VSIG10L2: variants seen among roughly 807,000 people sequenced by gnomAD.
VSIG10L2 encodes the protein V-set and immunoglobulin domain containing 10 like 2.
A neutral mutation model predicts 67.1 loss-of-function variants in VSIG10L2; 56 were observed. The observed-to-expected ratio is 0.83, with a 90% confidence interval of 0.67 to 1.04. The LOEUF (loss-of-function observed/expected upper bound fraction) is 1.04, where lower values mean the gene tolerates loss of function less well. Ranked by LOEUF, VSIG10L2 falls within the 50% of genes least tolerant of loss-of-function variation. The pLI is 0.00. For synonymous variants in VSIG10L2, 360 were observed against 396.6 expected, an observed-to-expected ratio of 0.91 and a Z score of 1.10; for missense variants, 843 against 932.8, an observed-to-expected ratio of 0.90 and a Z score of 1.25.
At position 125,953,465 on chromosome 11, in the gene VSIG10L2, G is replaced by A. The variant is rs942235046; in HGVS notation, c.1561G>A (p.Glu521Lys). Residue 521 changes from glutamate (E) to lysine (K), a missense_variant, in exon 7 of 12, where the codon GAG becomes AAG. Transcript: ENST00000686984. ...SVLEGGEAWL[E>K]CSLRGGTPPA... ...GTTGGAGGGGGGAGAGGCCTGGCTG[G>A]AGTGCTCTCTCCGCGGGGGCACACC... 2 of 1,232,374 alleles carry A rather than the reference G, an allele frequency of 1.6e-6. No individual in the cohort carries two copies. Among genetic ancestry groups the A allele is most frequent in the African/African-American group, 1.5e-5 (1 of 64,554 alleles). 76.3% of individuals were successfully genotyped at this position (1,232,374 alleles called of 1,614,324 possible).
In VSIG10L2 at chr11:125,953,614, C is replaced by A; in HGVS notation, c.1710C>A (p.His570Gln). 1 of 1,232,244 alleles carries A rather than the reference C, an allele frequency of 8.1e-7. No individual in the cohort carries two copies. Among genetic ancestry groups the A allele is most frequent in the East Asian group, 3.2e-5 (1 of 31,692 alleles). The allele number at this position is 1,232,244 out of a possible 1,614,324, so 76.3% of individuals were successfully genotyped here. ...RLGIYDADPAHHRGTYQCVAR... is the reference protein window; with the variant it reads ...RLGIYDADPAQHRGTYQCVAR... Reference sequence around the variant, plus strand: ...GCATCTACGATGCTGACCCGGCACACCACAGGGGCACCTACCAATGCGTGG... The same window carrying A: ...GCATCTACGATGCTGACCCGGCACAACACAGGGGCACCTACCAATGCGTGG... Residue 570 changes from histidine (H) to glutamine (Q), a missense_variant, in exon 7 of 12, where the codon CAC (histidine) becomes CAA (glutamine). His to Gln is a conservative substitution (Grantham distance 24). This residue lies in a region of VSIG10L2 where 397 missense variants were observed against 384.4 expected (regional missense o/e 1.03). Coordinates refer to ENST00000686984, the MANE Select transcript of VSIG10L2 (RefSeq NM_001365077.2).
rs1945363391 is a variant in VSIG10L2 at position 125,951,149 on chromosome 11, G to C, written c.1225G>C (p.Val409Leu). 3 of 1,232,874 alleles carry C rather than the reference G, an allele frequency of 2.4e-6. No individual in the cohort carries two copies. The East Asian group carries it at 9.5e-5, about 39-fold the overall frequency. The allele number at this position is 1,232,874 out of a possible 1,614,324, so 76.4% of individuals were successfully genotyped here. ...PALAPPALCTVMLWEPLGRPT... is the reference protein window; with the variant it reads ...PALAPPALCTLMLWEPLGRPT... ...CCTGGCACCGCCTGCCCTCTGCACA[G>C]TCATGCTCTGTGAGTGGACACAGGA... Residue 409 changes from valine (V) to leucine (L), a missense_variant, in exon 5 of 12, where the codon GTC becomes CTC. Val to Leu is a conservative substitution (Grantham distance 32). This residue lies in a region of VSIG10L2 where 446 missense variants were observed against 548.4 expected (regional missense o/e 0.81). Transcript: ENST00000686984.
chr11:125,949,951 G>T, intron 3 of VSIG10L2, 63 bp from the exon 4 acceptor site: 1 of 1,224,934 alleles, frequency 8.2e-7, no homozygotes, highest in South Asian at 4.2e-5. Flanking sequence ...ATTCAGAGAT[G>T]AGCATGTGCG....
Position 125,951,080 on chromosome 11 carries a change from C to T in VSIG10L2, c.1156C>T (p.Leu386Phe). ...CACCTGGAGTCACGCAGCCGCCCAG[C>T]TCCCCAGTGGCAGCGTCTTCACCTG... ...NVTWSHAAAQ[L>F]PSGSVFTCTG... Residue 386 changes from leucine (L) to phenylalanine (F), a missense_variant, in exon 5 of 12, where the codon CTC becomes TTC. Physicochemically the swap from Leu to Phe is conservative, Grantham distance 22 (BLOSUM62 0). Around this residue, in one of 2 missense-constraint regions of VSIG10L2, gnomAD observed 446 missense variants for 548.4 expected, o/e 0.81. Transcript: ENST00000686984. 3 of 1,232,694 alleles carry T rather than the reference C, an allele frequency of 2.4e-6. No individual in the cohort carries two copies. The highest frequency in any genetic ancestry group is 4.2e-5 in the Admixed American group (1 of 23,736). The allele number at this position is 1,232,694 out of a possible 1,614,324, so 76.4% of individuals were successfully genotyped here.
Position 125,954,231 on chromosome 11 carries a change from G to C in VSIG10L2, c.1931G>C (p.Gly644Ala), listed in dbSNP as rs1945419391. 8.1e-7 allele frequency: 1 copy of C among 1,232,254 alleles called. No individual in the cohort carries two copies. The highest frequency in any genetic ancestry group is 1.5e-5 in the African/African-American group (1 of 64,546). The allele number at this position is 1,232,254 out of a possible 1,614,324, so 76.3% of individuals were successfully genotyped here. A position where few individuals can be genotyped will look rare whatever the true frequency, so the allele number is the denominator to read the frequency against. ...CGGAAGGCCAGTGCCCTGGGCCCAG[G>C]AGCTGGGGCGTGGGAGACAGCAGCT... ...VQRKASALGP[G>A]AGAWETAASD... Residue 644 changes from glycine to alanine, a missense_variant, in exon 8 of 12, where the codon GGA becomes GCA. Physicochemically the swap from Gly to Ala is moderately conservative, Grantham distance 60. Transcript: ENST00000686984.
chr11:125,951,232 G>A (rs931740642), intron 5 of VSIG10L2, 74 bp downstream of exon 5: 230 of 1,228,536 alleles, frequency 1.9e-4, no homozygotes, highest in Non-Finnish European at 2.3e-4. Flanking sequence ...GTAGAGGCGG[G>A]GGGCCTGGGA....
At chr11:125,953,839 T>C in intron 7 of VSIG10L2, 149 bp downstream of exon 7, 1 of 774,444 alleles carries the variant, frequency 1.3e-6, no homozygotes, top group Non-Finnish European at 1.8e-6. Context: ...ACTCAAGAGA[T>C]AGATGGGCAA....
At chr11:125,947,508 G>T (rs755620582) in intron 1 of VSIG10L2, 178 bp from the exon 2 acceptor site, 136 of 985,274 alleles carry the variant, frequency 1.4e-4, no homozygotes, top group Non-Finnish European at 1.6e-4. Context: ...AAACCCAGAG[G>T]CTCCCACACA....
At chr11:125,948,879 T>C (rs1238795196) in intron 3 of VSIG10L2, among the ~76,000 whole-genome samples, 1 of 152,248 alleles carries the variant, frequency 6.6e-6, no homozygotes. Context: ...TGCCTTTAGG[T>C]TGAGCCTGGA....
intron 5 of VSIG10L2, 59 bp from the exon 6 acceptor site, chr11:125,951,754 T>C: frequency 7.0e-7 from 1 of 1,424,394 alleles, no homozygotes; most frequent in African/African-American, 1.4e-5. Context: ...GGGGATAGGG[T>C]GGAACTGCCA....
In VSIG10L2 at chr11:125,954,143, A is replaced by C. The variant is rs1246065651; in HGVS notation, c.1843A>C (p.Arg615=). The change falls in exon 8 of 12, where the codon AGA becomes CGA. Residue 615 remains arginine, a synonymous_variant. Coordinates refer to ENST00000686984, the MANE Select transcript of VSIG10L2 (RefSeq NM_001365077.2). ...CCGCCTGACCTACGGGAGGCACCGG[A>C]GAGAGGTGCAGCTTCAATGGGCCAT... is the stretch of plus-strand genomic sequence containing the variant. ...ISRLTYGRHR[R]EVQLQWAILG... 8.1e-7 allele frequency: 1 copy of C among 1,232,190 alleles called. No individual in the cohort carries two copies. Among genetic ancestry groups the C allele is most frequent in the South Asian group, 4.1e-5 (1 of 24,312 alleles). The allele number at this position is 1,232,190 out of a possible 1,614,324, so 76.3% of individuals were successfully genotyped here.
Position 125,951,019 on chromosome 11 carries a change from G to T in VSIG10L2, c.1095G>T (p.Gly365=). 5.7e-6 allele frequency: 7 copies of T among 1,232,494 alleles called. No homozygotes were observed. The highest frequency in any genetic ancestry group is 7.1e-6 in the Non-Finnish European group (7 of 988,252). The allele number at this position is 1,232,494 out of a possible 1,614,324, so 76.3% of individuals were successfully genotyped here. Residue 365 remains glycine (G), a synonymous_variant, in exon 5 of 12, where the codon GGG becomes GGT. Transcript: ENST00000686984. ...CGCCTGCCCAACTGCAGTGGGAAGG[G>T]CCTCAGGGACCTGGCCCTACTGCCC... ...GLPPAQLQWE[G]PQGPGPTAPS...
At chr11:125,955,287 T>C (rs995975219) in intron 9 of VSIG10L2, 108 bp downstream of exon 9, 18 of 1,291,460 alleles carry the variant, frequency 1.4e-5, no homozygotes, top group Non-Finnish European at 1.8e-5. Context: ...ATCTAGGCTC[T>C]TCCTTAATTC....
In VSIG10L2 at chr11:125,953,417, G is replaced by A. The variant is rs1455692514; in HGVS notation, c.1513G>A (p.Val505Met). The A allele has an allele frequency of 1.5e-5, 19 of 1,232,324 alleles. No homozygotes were observed. The highest frequency in any genetic ancestry group is 6.3e-5 in the East Asian group (2 of 31,728). 76.3% of individuals were successfully genotyped at this position (1,232,324 alleles called of 1,614,324 possible). ...HLQLEAPQLD[V>M]AEPRVSVLEG... is the part of the protein sequence containing the mutation. The stretch of plus-strand genomic sequence containing the variant: ...CCCCGCAGAAGCCCCACAGCTGGAC[G>A]TGGCTGAGCCCCGCGTGTCAGTGTT... The change falls in exon 7 of 12, where the codon GTG (valine) becomes ATG (methionine). Residue 505 changes from valine to methionine, a missense_variant. Coordinates refer to ENST00000686984, the MANE Select transcript of VSIG10L2 (RefSeq NM_001365077.2).
At chr11:125,951,566 C>T (rs140190197) in intron 5 of VSIG10L2, among the ~76,000 whole-genome samples, 5 of 152,318 alleles carry the variant, frequency 3.3e-5, no homozygotes, top group East Asian at 3.9e-4. Flanking sequence ...GTCCTCTTTC[C>T]GGAAGCCCCA....
At position 125,952,047 on chromosome 11, in the gene VSIG10L2, C is replaced by G; in HGVS notation, c.1469C>G (p.Pro490Arg). 6.5e-7 allele frequency: 1 copy of G among 1,535,058 alleles called. No individual in the cohort carries two copies. ...TCRGTHLLRT[P>R]DPHCHLQLEA... Reference sequence around the variant, plus strand: ...CGGGGCACTCACCTGCTCAGGACCCCTGACCCCCACTGCCACCTCCAGCTG... The same window carrying G: ...CGGGGCACTCACCTGCTCAGGACCCGTGACCCCCACTGCCACCTCCAGCTG... Residue 490 changes from proline (P) to arginine (R), a missense_variant, in exon 6 of 12, where the codon CCT (proline) becomes CGT (arginine). Transcript: ENST00000686984.
At chr11:125,955,569 A>AG (rs1484788539) in intron 10 of VSIG10L2, 46 bp from the exon 11 acceptor site, 1 of 1,475,692 alleles carries the variant, frequency 6.8e-7, no homozygotes, top group East Asian at 2.5e-5. Context: ...AAGGAAAGCG[A>AG]GGGAAGTGAG....
At position 125,947,695 on chromosome 11, in the gene VSIG10L2, A is replaced by G. The variant is rs1591528390; in HGVS notation, c.92A>G (p.His31Arg). The G allele has an allele frequency of 7.3e-6, 9 of 1,231,964 alleles. No individual in the cohort carries two copies. In the South Asian group the frequency reaches 3.3e-4, roughly 45 times the overall value. 76.3% of individuals were successfully genotyped at this position (1,231,964 alleles called of 1,614,324 possible). Residue 31 changes from histidine to arginine, a missense_variant, in exon 2 of 12, where the codon CAC (histidine) becomes CGC (arginine). Coordinates refer to ENST00000686984, the MANE Select transcript of VSIG10L2 (RefSeq NM_001365077.2). The part of the protein sequence containing the change: ...LLHLRASGQP[H>R]PTPEAPVEEV... Reference sequence around the variant, plus strand: ...CCCCTTCTCTCCCCAGGCCAGCCCCACCCGACCCCCGAGGCCCCTGTAGAG... The same window carrying G: ...CCCCTTCTCTCCCCAGGCCAGCCCCGCCCGACCCCCGAGGCCCCTGTAGAG...
In VSIG10L2 at chr11:125,951,970, C is replaced by T. The variant is rs779936195; in HGVS notation, c.1392C>T (p.Ala464=). 108 of 1,535,986 alleles carry T rather than the reference C, an allele frequency of 7.0e-5. No individual in the cohort carries two copies. The African/African-American group carries it at 8.2e-4, about 12-fold the overall frequency. The part of the protein sequence containing the change: ...QPLGGSSSSM[A]VHLLQAQEDL... The stretch of plus-strand genomic sequence containing the variant: ...TGGGCGGCAGCAGCTCCTCGATGGC[C>T]GTTCACCTCCTGCAGGCCCAAGAAG... Residue 464 remains alanine, a synonymous_variant, in exon 6 of 12, where the codon GCC becomes GCT. Transcript: ENST00000686984.
Sources: allele counts gnomAD v4.1 joint callset (sites outside exome capture counted in the v4.1 genomes callset), GRCh38; gene constraint gnomAD v4.1.1; regional missense constraint gnomAD v4.1.1; transcripts MANE v1.5; gene names NCBI Gene and HGNC (gene_info 2026-07-23, HGNC 2026-07-21).